The following MTOR variants were observed in gnomAD, a reference collection of about 807,000 sequenced individuals.
MTOR encodes mechanistic target of rapamycin kinase, also known as serine/threonine-protein kinase mTOR.
Under a neutral mutation model 319.8 loss-of-function variants are expected in MTOR, and 70 were observed. The ratio of observed to expected loss-of-function variants is 0.22; its 90% confidence interval spans 0.18 to 0.27. MTOR has a LOEUF of 0.27. Ranked by LOEUF, MTOR falls within the 10% of genes least tolerant of loss-of-function variation. MTOR has a pLI of 1.00. For synonymous variants in MTOR, 1,183 were observed against 1,211.4 expected, an observed-to-expected ratio of 0.98 and a Z score of 0.49; for missense variants, 1,890 against 3,274.4, an observed-to-expected ratio of 0.58 and a Z score of 10.32.
chr1:11,140,983 G>GGA (rs1553176477), intron 34 of MTOR, among the ~76,000 whole-genome samples: 2 of 129,846 alleles, frequency 1.5e-5, no homozygotes, highest in Non-Finnish European at 3.2e-5. Context: ...TAAGACTTCT[G>GGA]AAAAAAAAAA....
chr1:11,256,743 G>C (rs764250677), intron 4 of MTOR, among the ~76,000 whole-genome samples, 190 bp downstream of exon 4: 20 of 152,134 alleles, frequency 1.3e-4, no homozygotes, highest in Non-Finnish European at 2.4e-4. Context: ...GCACGCAGCT[G>C]ATGCTTCTGA....
intron 49 of MTOR, among the ~76,000 whole-genome samples, chr1:11,118,886 C>G (rs769544977): frequency 6.6e-6 from 1 of 151,948 alleles, no homozygotes; most frequent in African/African-American, 2.4e-5. Flanking sequence ...CTTGGCCTCC[C>G]CAAGTGTTGG....
chr1:11,200,403 G>C (rs1339899401), intron 26 of MTOR, among the ~76,000 whole-genome samples: 2 of 152,122 alleles, frequency 1.3e-5, no homozygotes, highest in African/African-American at 4.8e-5. Flanking sequence ...CAAAGACATG[G>C]AACCAGAGGT....
In MTOR at chr1:11,109,762, C is replaced by T; in HGVS notation, c.7367-33G>A. On this transcript the variant is annotated intron_variant, in intron 54 of 57. Transcript: ENST00000361445. This position sits in a 1 kb window ranked among gnomAD's most constrained non-coding sequence, Gnocchi z 4.0. ...AAAAGAAATCAATTAACAGAAAATT[C>T]AAACACCAAAAAGCCACTGTTGGTG... 1.3e-6 allele frequency: 2 copies of T among 1,595,638 alleles called. No individual in the cohort carries two copies. The highest frequency in any genetic ancestry group is 1.7e-6 in the Non-Finnish European group (2 of 1,163,294).
At chr1:11,185,221 T>C (rs1433965971) in intron 28 of MTOR, among the ~76,000 whole-genome samples, 7 of 151,764 alleles carry the variant, frequency 4.6e-5, no homozygotes, top group Non-Finnish European at 7.4e-5. Flanking sequence ...CTAACAGAGC[T>C]ATAAAGTCCT....
intron 28 of MTOR, among the ~76,000 whole-genome samples, chr1:11,170,832 G>A (rs989944647): frequency 2.0e-5 from 3 of 151,110 alleles, no homozygotes; most frequent in Admixed American, 6.6e-5. Flanking sequence ...GATTACAGGC[G>A]CACACCACCA....
chr1:11,216,285 C>G (rs1646467180), intron 19 of MTOR, 51 bp from the exon 20 acceptor site: 2 of 1,385,008 alleles, frequency 1.4e-6, no homozygotes, highest in African/African-American at 2.9e-5. Context: ...ACATTGAACC[C>G]CCAGGCTTAC....
chr1:11,184,454 C>T (rs926658212), intron 28 of MTOR, among the ~76,000 whole-genome samples: 1 of 152,140 alleles, frequency 6.6e-6, no homozygotes, highest in African/African-American at 2.4e-5. Flanking sequence ...CTTGTTTGGG[C>T]TGTGTGTGGT....
intron 36 of MTOR, among the ~76,000 whole-genome samples, chr1:11,135,720 CTATT>C (rs1464828090): frequency 1.3e-5 from 2 of 151,468 alleles, no homozygotes; most frequent in Non-Finnish European, 2.9e-5. Context: ...GTAATCCCAG[CTATT>C]TGGGAGGCTG....
chr1:11,231,565 C>T (rs1049309794), intron 16 of MTOR, 131 bp from the exon 17 acceptor site: 1 of 1,136,326 alleles, frequency 8.8e-7, no homozygotes, highest in African/African-American at 1.6e-5. Flanking sequence ...AGTAAAGACA[C>T]TAACCATGAG....
At chr1:11,210,489 T>A (rs1646274574) in intron 24 of MTOR, among the ~76,000 whole-genome samples, 1 of 152,056 alleles carries the variant, frequency 6.6e-6, no homozygotes, top group African/African-American at 2.4e-5. Context: ...TACTTTTAAA[T>A]GGTTGGGGGG....
At chr1:11,218,526 T>C (rs1358158953) in intron 19 of MTOR, among the ~76,000 whole-genome samples, 1 of 151,876 alleles carries the variant, frequency 6.6e-6, no homozygotes, top group Non-Finnish European at 1.5e-5. Context: ...TGAAAGAAAG[T>C]AGAAAACCTA....
intron 38 of MTOR, chr1:11,132,106 C>T (rs1373241686): frequency 6.6e-6 from 1 of 152,134 alleles, no homozygotes; most frequent in Admixed American, 6.5e-5. Flanking sequence ...CAAAAGGGAC[C>T]CACATTAGGA....
Position 11,112,925 on chromosome 1 carries a change from G to C in MTOR, c.7301-8C>G, listed in dbSNP as rs761587811. ...TGTTGCCTTTGGTATTTGCTAGGGA[G>C]AGAAATAAAGAGTATTGAAACATGC... is the stretch of plus-strand genomic sequence containing the variant. On this transcript the variant is annotated splice_region_variant and splice_polypyrimidine_tract_variant and intron_variant, in intron 53 of 57. Transcript: ENST00000361445. The C allele has an allele frequency of 8.1e-6, 13 of 1,612,748 alleles. No homozygotes were observed. Among genetic ancestry groups the C allele is most frequent in the Non-Finnish European group, 1.0e-5 (12 of 1,179,456 alleles).
chr1:11,125,023 G>A (rs1642751821), intron 46 of MTOR, among the ~76,000 whole-genome samples: 1 of 152,156 alleles, frequency 6.6e-6, no homozygotes, highest in African/African-American at 2.4e-5. Context: ...TCAGAGGATG[G>A]GTAGAGGGAG....
At chr1:11,231,151 TCATATC>T in intron 17 of MTOR, 97 bp from the exon 18 acceptor site, 2 of 1,596,642 alleles carry the variant, frequency 1.3e-6, no homozygotes, top group East Asian at 4.5e-5. Flanking sequence ...AATCCCCAGT[TCATATC>T]CAAATGACCA....
At chr1:11,213,614 T>C in intron 20 of MTOR, 48 bp from the exon 21 acceptor site, 1 of 1,583,654 alleles carries the variant, frequency 6.3e-7, no homozygotes, top group Non-Finnish European at 8.6e-7. Context: ...CCCTTTCTGA[T>C]GATATATGAA....
At chr1:11,146,990 A>G (rs924440017) in intron 31 of MTOR, among the ~76,000 whole-genome samples, 199 bp from the exon 32 acceptor site, 1 of 152,206 alleles carries the variant, frequency 6.6e-6, no homozygotes, top group African/African-American at 2.4e-5. Flanking sequence ...AAAAAGCCAC[A>G]TCTGTCTTCC....
intron 9 of MTOR, among the ~76,000 whole-genome samples, 167 bp from the exon 10 acceptor site, chr1:11,241,848 A>C (rs1284553858): frequency 1.3e-5 from 2 of 152,148 alleles, no homozygotes; most frequent in African/African-American, 4.8e-5. Context: ...CATCACAATT[A>C]CTGTAGATTT....
Sources: gnomAD v4.1 joint callset for allele counts (sites outside exome capture counted in the v4.1 genomes callset) on GRCh38, gnomAD v4.1.1 for gene constraint, Gnocchi (gnomAD v3.1) non-coding constraint, MANE v1.5 for transcripts, NCBI Gene and HGNC (gene_info 2026-07-23, HGNC 2026-07-21) for gene names.